CPM: variants seen among roughly 807,000 people sequenced by gnomAD.
The protein encoded by CPM is carboxypeptidase M.
In CPM, 35 loss-of-function variants were observed where a neutral mutation model predicts 46.4. The observed-to-expected ratio is 0.75, with a 90% confidence interval of 0.58 to 1.00. The LOEUF (loss-of-function observed/expected upper bound fraction) is 1.00, where lower values mean the gene tolerates loss of function less well. Among genes scored for constraint, CPM ranks in the 50% least tolerant of loss-of-function variants. The pLI, the probability that CPM is intolerant of heterozygous loss-of-function variation, is 0.00. For missense variants in CPM, 422 were observed against 530.4 expected (o/e 0.80, Z 2.01); for synonymous variants, 195 against 195.3 (o/e 1.00, Z 0.01).
intron 2 of CPM, among the ~76,000 whole-genome samples, chr12:68,901,482 C>T (rs909669100): frequency 4.6e-5 from 7 of 152,208 alleles, no homozygotes; most frequent in African/African-American, 1.4e-4. Flanking sequence ...AGTATGTAAA[C>T]TCTCCAAAAC....
intron 2 of CPM, among the ~76,000 whole-genome samples, chr12:68,925,964 G>A (rs1039597700): frequency 6.6e-6 from 1 of 152,158 alleles, no homozygotes; most frequent in Non-Finnish European, 1.5e-5. Context: ...AGGTTAGAGT[G>A]CAGTGGCACA....
intron 2 of CPM, among the ~76,000 whole-genome samples, chr12:68,890,961 G>A (rs768627766): frequency 7.2e-5 from 11 of 152,250 alleles, no homozygotes; most frequent in Non-Finnish European, 1.6e-4. Context: ...GGTACACAGA[G>A]TAATAGATCA....
chr12:68,885,982 C>T lies in CPM; in HGVS notation c.161-93G>A, dbSNP rs536685586. ...AGACTAGGAAACAGGATGCTGCTTCCCCCACTTGATCGCCTGTTTCATGGT... is the reference window on the plus strand; with the variant it reads ...AGACTAGGAAACAGGATGCTGCTTCTCCCACTTGATCGCCTGTTTCATGGT... On this transcript the variant is annotated intron_variant, in intron 2 of 8. Transcript: ENST00000551568. 6 of 1,037,806 alleles carry T rather than the reference C, an allele frequency of 5.8e-6. No individual in the cohort carries two copies. In the East Asian group the frequency reaches 1.5e-4, roughly 25 times the overall value. 64.3% of individuals were successfully genotyped at this position (1,037,806 alleles called of 1,614,324 possible). A position where few individuals can be genotyped will look rare whatever the true frequency, so the allele number is the denominator to read the frequency against.
At chr12:68,914,100 T>C (rs1234265266) in intron 2 of CPM, 1 of 563,480 alleles carries the variant, frequency 1.8e-6, no homozygotes. Context: ...AAACAGAAAA[T>C]TATAGTCAGT....
chr12:68,932,700 G>A lies in CPM; in HGVS notation c.138C>T (p.His46=), dbSNP rs1888560642. 1 of 1,614,192 alleles carries A rather than the reference G, an allele frequency of 6.2e-7. No individual in the cohort carries two copies. Among genetic ancestry groups the A allele is most frequent in the Non-Finnish European group, 8.5e-7 (1 of 1,180,036 alleles). The change falls in exon 2 of 9, where the codon CAC becomes CAT. Residue 46 remains histidine, a synonymous_variant. Coordinates refer to ENST00000551568, the MANE Select transcript of CPM (RefSeq NM_198320.5). ...AQNYSSVTHL[H]SIGKSVKGRN... ...TACCTTTCACAGATTTCCCAATACT[G>A]TGTAAGTGAGTGACAGAACTGTAGT...
At chr12:68,958,319 G>A (rs1889058676) in intron 1 of CPM, among the ~76,000 whole-genome samples, 2 of 152,084 alleles carry the variant, frequency 1.3e-5, no homozygotes, top group African/African-American at 4.8e-5. Context: ...CAGTATAAAA[G>A]CATTCCTATT....
intron 2 of CPM, among the ~76,000 whole-genome samples, chr12:68,912,435 A>G (rs1200147816): frequency 6.6e-6 from 1 of 152,230 alleles, no homozygotes; most frequent in Non-Finnish European, 1.5e-5. Flanking sequence ...GTTTTAAAAA[A>G]TTAAGATGAC....
intron 1 of CPM, among the ~76,000 whole-genome samples, chr12:68,950,670 C>T (rs771083129): frequency 6.6e-6 from 1 of 152,216 alleles, no homozygotes; most frequent in Non-Finnish European, 1.5e-5. Flanking sequence ...CAGCTGGGTC[C>T]ACCAGCCCTT....
Position 68,856,550 on chromosome 12 carries a change from T to A in CPM, c.1219A>T (p.Asn407Tyr). 2 of 1,614,268 alleles carry A rather than the reference T, an allele frequency of 1.2e-6. No individual in the cohort carries two copies. The highest frequency in any genetic ancestry group is 1.7e-6 in the Non-Finnish European group (2 of 1,180,048). ...AGAGGAATCATTGGGCATGAAGGAT[T>A]TGATACTGGGATAGAATCCAATTGC... is the stretch of plus-strand genomic sequence containing the variant. ...QGQLDSIPVS[N>Y]PSCPMIPLYR... The change falls in exon 9 of 9, where the codon AAT (asparagine) becomes TAT (tyrosine). Residue 407 changes from asparagine to tyrosine, a missense_variant. By Grantham distance (143) the Asn-to-Tyr change is moderately radical (BLOSUM62 -2). Coordinates refer to ENST00000551568, the MANE Select transcript of CPM (RefSeq NM_198320.5).
At chr12:68,865,122 G>A (rs1259963944) in intron 7 of CPM, among the ~76,000 whole-genome samples, 1 of 152,184 alleles carries the variant, frequency 6.6e-6, no homozygotes, top group East Asian at 1.9e-4. Flanking sequence ...GCCTCATGAG[G>A]AAAATCTAGT....
intron 2 of CPM, among the ~76,000 whole-genome samples, chr12:68,898,016 G>GT (rs1303219878): frequency 6.8e-6 from 1 of 146,626 alleles, no homozygotes; most frequent in African/African-American, 2.6e-5. Flanking sequence ...GCTAATTTGT[G>GT]TATTTTTTTT....
chr12:68,847,452 C>CCTTTTTTT (rs1884398691), downstream of CPM: 1 of 88,722 alleles, frequency 1.1e-5, no homozygotes, highest in Non-Finnish European at 2.0e-5. Flanking sequence ...TATCTCCTTT[C>CCTTTTTTT]TTTTTTTTTT....
At chr12:68,902,608 C>T (rs954475776) in intron 2 of CPM, among the ~76,000 whole-genome samples, 1 of 152,070 alleles carries the variant, frequency 6.6e-6, no homozygotes, top group Admixed American at 6.6e-5. Flanking sequence ...TCAAGGATTT[C>T]GGGAAATCAT....
At position 68,853,201 on chromosome 12, in the gene CPM, A is replaced by C. The variant is rs561196262; in HGVS notation, c.*3236T>G. The stretch of plus-strand genomic sequence containing the variant: ...GATTTTTGTTCGTGTCTCTTCAAAA[A>C]TTGCTATCTTAGAAAAGTTAGAATT... On this transcript the variant is annotated 3_prime_UTR_variant, in exon 9 of 9. Transcript: ENST00000551568. 1 of 152,184 alleles carries C rather than the reference A, an allele frequency of 6.6e-6. No homozygotes were observed. The highest frequency in any genetic ancestry group is 2.1e-4 in the South Asian group (1 of 4,828). 9.4% of individuals were successfully genotyped at this position (152,184 alleles called of 1,614,324 possible). A position where few individuals can be genotyped will look rare whatever the true frequency, so the allele number is the denominator to read the frequency against.
At chr12:68,862,119 C>T (rs74643498) in intron 7 of CPM, among the ~76,000 whole-genome samples, 5,571 of 134,876 alleles carry the variant, frequency 0.041, 987 homozygotes, top group Middle Eastern at 0.074. Flanking sequence ...AGTCAACCTG[C>T]GGTCTGCCTA....
At chr12:68,877,613 A>C (rs1428004566) in intron 3 of CPM, among the ~76,000 whole-genome samples, 5 of 152,240 alleles carry the variant, frequency 3.3e-5, no homozygotes, top group African/African-American at 7.2e-5. Flanking sequence ...TAGATATTTC[A>C]CCTGGAAAAC....
At chr12:68,935,044 G>A (rs1003136911), upstream of CPM, among the ~76,000 whole-genome samples, 1 of 151,932 alleles carries the variant, frequency 6.6e-6, no homozygotes, top group African/African-American at 2.4e-5. Context: ...CGAGTAGCTC[G>A]GATTACAGGC....
chr12:68,932,347 C>T (rs1420542298), intron 2 of CPM, among the ~76,000 whole-genome samples: 6 of 152,190 alleles, frequency 3.9e-5, no homozygotes, highest in Non-Finnish European at 5.9e-5. Flanking sequence ...AACGGATAAA[C>T]GGACTTACTT....
rs1883848381 is a variant in CPM at position 68,842,399 on chromosome 12, T to G, written c.534-70A>C. 1.8e-4 allele frequency: 88 copies of G among 486,920 alleles called. 2 individuals are homozygous for G. Among genetic ancestry groups the G allele is most frequent in the South Asian group, 1.4e-3 (88 of 64,198 alleles). 30.2% of individuals were successfully genotyped at this position (486,920 alleles called of 1,614,324 possible). A position where few individuals can be genotyped will look rare whatever the true frequency, so the allele number is the denominator to read the frequency against. ...CAGAGGTTTCCTAAAAATCTCATTA[T>G]CTATAACCATTTCTATATTTACATT... On this transcript the variant is annotated intron_variant, in intron 5 of 5. Transcript: ENST00000551897.
Sources: gnomAD v4.1 joint callset for allele counts (sites outside exome capture counted in the v4.1 genomes callset) on GRCh38, gnomAD v4.1.1 for gene constraint, MANE v1.5 for transcripts, NCBI Gene and HGNC (gene_info 2026-07-23, HGNC 2026-07-21) for gene names.